Variants in PHYHIPL observed in about 807,000 individuals in gnomAD.
PHYHIPL encodes the protein phytanoyl-CoA hydroxylase-interacting protein-like.
A neutral mutation model predicts 33.4 loss-of-function variants in PHYHIPL; 9 were observed. The observed-to-expected ratio is 0.27, with a 90% CI of 0.16 to 0.47. The LOEUF (loss-of-function observed/expected upper bound fraction) is 0.47. Ranked by LOEUF, PHYHIPL falls within the 20% of genes least tolerant of loss-of-function variation. The probability of loss-of-function intolerance (pLI) is 0.99; values close to 1 mark genes in which losing one functional copy is unlikely to be tolerated. For synonymous variants in PHYHIPL, 153 were observed against 154.1 expected (o/e 0.99, Z 0.05); for missense variants, 365 against 460.7 (o/e 0.79, Z 1.90).
chr10:59,193,988 A>T (rs1186976661), intron 1 of PHYHIPL, among the ~76,000 whole-genome samples: 2 of 152,062 alleles, frequency 1.3e-5, no homozygotes, highest in African/African-American at 4.8e-5. Flanking sequence ...TAAAATAATG[A>T]TAAACGTTCC....
chr10:59,192,871 C>A (rs898862542), intron 1 of PHYHIPL, among the ~76,000 whole-genome samples: 3 of 151,952 alleles, frequency 2.0e-5, no homozygotes. Context: ...TGAAGACAAG[C>A]GATTACAGTT....
At chr10:59,211,902 T>G (rs1479432745) in intron 1 of PHYHIPL, among the ~76,000 whole-genome samples, 1 of 152,042 alleles carries the variant, frequency 6.6e-6, no homozygotes, top group African/African-American at 2.4e-5. Flanking sequence ...AATGCAATGG[T>G]TTGAATGTTT....
intron 1 of PHYHIPL, among the ~76,000 whole-genome samples, chr10:59,199,212 C>T (rs990619826): frequency 2.0e-5 from 3 of 152,156 alleles, no homozygotes; most frequent in African/African-American, 7.2e-5. Context: ...AGTCTTTAAT[C>T]CATCTTGAAC....
At chr10:59,230,603 C>T (rs1297212785) in intron 1 of PHYHIPL, among the ~76,000 whole-genome samples, 1 of 152,054 alleles carries the variant, frequency 6.6e-6, no homozygotes, top group Non-Finnish European at 1.5e-5. Context: ...AAGCTTTGTA[C>T]CTGTGAACCC....
At chr10:59,183,499 G>T (rs1290540739) in intron 1 of PHYHIPL, among the ~76,000 whole-genome samples, 4 of 152,272 alleles carry the variant, frequency 2.6e-5, no homozygotes, top group Middle Eastern at 3.4e-3. Flanking sequence ...AGTGAAAAGG[G>T]AAAGGTTAGG....
At chr10:59,242,347 T>C (rs745698799) in intron 4 of PHYHIPL, among the ~76,000 whole-genome samples, 4 of 151,940 alleles carry the variant, frequency 2.6e-5, no homozygotes, top group African/African-American at 9.7e-5. Flanking sequence ...GGAGACTGAG[T>C]AGGAAACCTG....
intron 4 of PHYHIPL, 46 bp from the exon 5 acceptor site, chr10:59,245,011 T>A: frequency 6.5e-7 from 1 of 1,542,956 alleles, no homozygotes; most frequent in Non-Finnish European, 8.7e-7. Context: ...AATCAGTGGG[T>A]TTACCACTAT....
At chr10:59,174,165 C>T (rs895397446), upstream of PHYHIPL, among the ~76,000 whole-genome samples, 1 of 151,862 alleles carries the variant, frequency 6.6e-6, no homozygotes, top group Non-Finnish European at 1.5e-5. Context: ...CTGGATATTT[C>T]TAAAGCCACA....
chr10:59,218,826 G>A (rs904652722), intron 1 of PHYHIPL, among the ~76,000 whole-genome samples: 5 of 151,734 alleles, frequency 3.3e-5, no homozygotes, highest in Admixed American at 3.3e-4. Flanking sequence ...TTATGTGTTG[G>A]GCCCTGAATA....
intron 1 of PHYHIPL, among the ~76,000 whole-genome samples, chr10:59,210,922 T>A (rs192072305): frequency 5.0e-4 from 76 of 151,936 alleles, no homozygotes; most frequent in African/African-American, 1.8e-3. Flanking sequence ...CAGGGCCTGT[T>A]TGGGGATGGG....
Position 59,246,422 on chromosome 10 carries a change from CAAT to C in PHYHIPL, c.*833_*835del, listed in dbSNP as rs1167536219. 1 of 356,940 alleles carries C rather than the reference CAAT, an allele frequency of 2.8e-6. No individual in the cohort carries two copies. Among genetic ancestry groups the C allele is most frequent in the Non-Finnish European group, 5.0e-6 (1 of 200,040 alleles). The allele number at this position is 356,940 out of a possible 1,614,324, so 22.1% of individuals were successfully genotyped here. A position where few individuals can be genotyped will look rare whatever the true frequency, so the allele number is the denominator to read the frequency against. ...GAAATAAGTCTGTTTCTGAAATAGT[CAAT>C]AGTCTTCCCATCCAAACTATAAGAG... On this transcript the variant is annotated 3_prime_UTR_variant, in exon 5 of 5. Coordinates refer to ENST00000373880, the MANE Select transcript of PHYHIPL (RefSeq NM_032439.4).
intron 2 of PHYHIPL, 58 bp from the exon 3 acceptor site, chr10:59,236,425 C>G (rs551637348): frequency 8.9e-7 from 1 of 1,121,352 alleles, no homozygotes; most frequent in Non-Finnish European, 1.2e-6. Flanking sequence ...TCTTCACTTC[C>G]TTCGTCCCTC....
rs539105083 is a variant in PHYHIPL, at chr10:59,200,594, C to T, written c.106+23635C>T. ...CATAAAATGAGTTAGGGAGGATTCC[C>T]CCTTTTTCTACTGATCGGAATAGTT... On this transcript the variant is annotated intron_variant, in intron 1 of 4. Coordinates refer to ENST00000373880, the MANE Select transcript of PHYHIPL (RefSeq NM_032439.4). Among the ~76,000 whole-genome samples, 8 of 152,270 alleles carry T rather than the reference C, an allele frequency of 5.3e-5. No individual in the cohort carries two copies. In the East Asian group the frequency reaches 1.4e-3, roughly 26 times the overall value.
At chr10:59,226,000 C>A (rs1220242855) in intron 1 of PHYHIPL, among the ~76,000 whole-genome samples, 1 of 151,904 alleles carries the variant, frequency 6.6e-6, no homozygotes, top group African/African-American at 2.4e-5. Flanking sequence ...AGAAAAATGA[C>A]AATTCTGTGT....
At chr10:59,222,816 G>A (rs1839817244) in intron 1 of PHYHIPL, among the ~76,000 whole-genome samples, 1 of 152,112 alleles carries the variant, frequency 6.6e-6, no homozygotes. Context: ...ACCAAGGATA[G>A]AGTGAATTAA....
chr10:59,198,224 C>T (rs917416097), intron 1 of PHYHIPL, among the ~76,000 whole-genome samples: 2 of 151,864 alleles, frequency 1.3e-5, no homozygotes, highest in African/African-American at 2.4e-5. Flanking sequence ...CCATGACAGG[C>T]CCAGTGAGTG....
At chr10:59,209,040 A>C (rs1839368568) in intron 1 of PHYHIPL, among the ~76,000 whole-genome samples, 1 of 152,132 alleles carries the variant, frequency 6.6e-6, no homozygotes, top group South Asian at 2.1e-4. Context: ...CCAATCTAGC[A>C]AGGCAGGCCA....
intron 1 of PHYHIPL, among the ~76,000 whole-genome samples, chr10:59,232,502 G>A (rs1298368008): frequency 6.6e-6 from 1 of 151,808 alleles, no homozygotes; most frequent in Non-Finnish European, 1.5e-5. Context: ...AAAGTATTAT[G>A]TTCTGTGAAA....
chr10:59,195,786 A>G (rs760642086), intron 1 of PHYHIPL, among the ~76,000 whole-genome samples: 7 of 152,168 alleles, frequency 4.6e-5, no homozygotes, highest in African/African-American at 7.2e-5. Flanking sequence ...TTACATATGT[A>G]AAGACTTTGA....
Sources: allele counts gnomAD v4.1 joint callset (sites outside exome capture counted in the v4.1 genomes callset), GRCh38; gene constraint gnomAD v4.1.1; transcripts MANE v1.5; gene names NCBI Gene and HGNC (gene_info 2026-07-23, HGNC 2026-07-21).